The following MFHAS1 variants were observed in gnomAD, a reference collection of about 807,000 sequenced individuals.
MFHAS1 encodes the protein multifunctional ROCO family signaling regulator 1, also known as malignant fibrous histiocytoma-amplified sequence 1.
Under a neutral mutation model 70.4 loss-of-function variants are expected in MFHAS1, and 50 were observed. The ratio of observed to expected loss-of-function variants is 0.71; its 90% CI spans 0.57 to 0.90. MFHAS1 has a LOEUF of 0.90. Among genes scored for constraint, MFHAS1 ranks in the 40% least tolerant of loss-of-function variants. The pLI is 0.00. For synonymous variants in MFHAS1, 952 were observed against 620.0 expected (o/e 1.54, Z -7.96); for missense variants, 1,795 against 1,347.6 (o/e 1.33, Z -5.20).
chr8:8,809,707 T>C (rs185864057), intron 1 of MFHAS1, among the ~76,000 whole-genome samples: 2 of 152,138 alleles, frequency 1.3e-5, no homozygotes, highest in East Asian at 3.8e-4. Context: ...TCAAAGACAG[T>C]TGGGGAGAGG....
Position 8,893,570 on chromosome 8 carries a change from G to C in MFHAS1, c.-512C>G, listed in dbSNP as rs1810189940. On this transcript the variant is annotated 5_prime_UTR_variant, in exon 1 of 3. Coordinates refer to ENST00000276282, the MANE Select transcript of MFHAS1 (RefSeq NM_004225.3). ...CGCCTCCTTGTCTCCGTTTCCCCGG[G>C]CTCGGGCGGGAGCGCGGGCGCCGCG... 6.8e-6 allele frequency: 1 copy of C among 146,570 alleles called. No homozygotes were observed. The highest frequency in any genetic ancestry group is 2.4e-5 in the African/African-American group (1 of 40,862). The allele number at this position is 146,570 out of a possible 1,614,324, so 9.1% of individuals were successfully genotyped here.
chr8:8,875,093 T>C (rs1254824327), intron 1 of MFHAS1, among the ~76,000 whole-genome samples: 1 of 152,246 alleles, frequency 6.6e-6, no homozygotes, highest in Non-Finnish European at 1.5e-5. Flanking sequence ...ATACCCAATG[T>C]TGAGGAGGTA....
At chr8:8,854,749 C>CAT (rs1808371291) in intron 1 of MFHAS1, among the ~76,000 whole-genome samples, 1 of 151,794 alleles carries the variant, frequency 6.6e-6, no homozygotes, top group African/African-American at 2.4e-5. Context: ...TCACATGGAA[C>CAT]ATATTTACAC....
At chr8:8,830,280 C>G (rs780722981) in intron 1 of MFHAS1, among the ~76,000 whole-genome samples, 4 of 152,170 alleles carry the variant, frequency 2.6e-5, no homozygotes, top group Admixed American at 6.5e-5. Flanking sequence ...AAACTAGAGT[C>G]TGGTTCTATC....
chr8:8,791,786 T>C (rs1563175224), intron 2 of MFHAS1, among the ~76,000 whole-genome samples: 2 of 152,200 alleles, frequency 1.3e-5, no homozygotes, highest in Non-Finnish European at 2.9e-5. Flanking sequence ...TAGGGCCTAA[T>C]TAGGCTGCCA....
At chr8:8,850,905 A>G (rs1183049379) in intron 1 of MFHAS1, among the ~76,000 whole-genome samples, 1 of 151,430 alleles carries the variant, frequency 6.6e-6, no homozygotes, top group Non-Finnish European at 1.5e-5. Context: ...ACACTCACGT[A>G]ATCTCAGCGA....
At position 8,843,285 on chromosome 8, in the gene MFHAS1, A is replaced by AAAAAAAAAG. The variant is rs796747933; in HGVS notation, c.2999-45795_2999-45794insCTTTTTTTT. Among the ~76,000 whole-genome samples, 331 of 151,762 alleles carry AAAAAAAAAG rather than the reference A, an allele frequency of 2.2e-3. 4 individuals carry two copies. Among genetic ancestry groups the AAAAAAAAAG allele is most frequent in the African/African-American group, 7.4e-3 (306 of 41,266 alleles). ...AGCGAGACTCCGTCTCAAAAAAAAA[A>AAAAAAAAAG]AAAGAAAGCGAAAGAGGGCCAGGTG... is the stretch of plus-strand genomic sequence containing the variant. On this transcript the variant is annotated intron_variant, in intron 1 of 2. Coordinates refer to ENST00000276282, the MANE Select transcript of MFHAS1 (RefSeq NM_004225.3).
intron 1 of MFHAS1, among the ~76,000 whole-genome samples, chr8:8,809,738 A>G (rs1383160318): frequency 6.6e-6 from 1 of 152,222 alleles, no homozygotes; most frequent in Non-Finnish European, 1.5e-5. Context: ...GGAGCAGAGC[A>G]CAAACCTAGC....
chr8:8,806,778 T>C (rs562677641), intron 1 of MFHAS1, among the ~76,000 whole-genome samples: 1 of 152,076 alleles, frequency 6.6e-6, no homozygotes, highest in East Asian at 1.9e-4. Context: ...CTAGCCAACA[T>C]GTTGAAACCC....
chr8:8,819,679 G>C (rs544237299), intron 1 of MFHAS1, among the ~76,000 whole-genome samples: 1 of 151,764 alleles, frequency 6.6e-6, no homozygotes, highest in Admixed American at 6.6e-5. Flanking sequence ...GAAATACATG[G>C]CTGTGGACAG....
At chr8:8,876,832 G>A (rs1376359932) in intron 1 of MFHAS1, among the ~76,000 whole-genome samples, 2 of 151,950 alleles carry the variant, frequency 1.3e-5, no homozygotes, top group East Asian at 3.9e-4. Flanking sequence ...TACTCGGGAG[G>A]CTAAGGTAAG....
intron 1 of MFHAS1, among the ~76,000 whole-genome samples, chr8:8,855,701 C>T (rs1808412953): frequency 6.6e-6 from 1 of 151,936 alleles, no homozygotes; most frequent in South Asian, 2.1e-4. Context: ...ACTAAAAATA[C>T]AAAATTTAGC....
At chr8:8,885,898 G>C (rs1396373133) in intron 1 of MFHAS1, among the ~76,000 whole-genome samples, 1 of 152,148 alleles carries the variant, frequency 6.6e-6, no homozygotes, top group Non-Finnish European at 1.5e-5. Flanking sequence ...TTTTTGTAGA[G>C]ATGGGGTTTC....
Position 8,891,845 on chromosome 8 carries a change from G to A in MFHAS1, c.1214C>T (p.Ala405Val), listed in dbSNP as rs778095210. The A allele has an allele frequency of 3.1e-6, 5 of 1,612,698 alleles. No homozygotes were observed. Among genetic ancestry groups the A allele is most frequent in the South Asian group, 1.1e-5 (1 of 91,018 alleles). Residue 405 changes from alanine (A) to valine (V), a missense_variant, in exon 1 of 3, where the codon GCG (alanine) becomes GTG (valine). Transcript: ENST00000276282. The surrounding 1 kb of genome is among the most constrained non-coding windows in gnomAD (Gnocchi z 5.4). ...YQKELAHSQP[A>V]VQPRLKLLLM... ...GAGCAGCTTGAGCCGGGGCTGCACC[G>A]CCGGCTGGGAATGAGCCAGTTCCTT...
At chr8:8,787,603 G>T (rs1347923121) in intron 2 of MFHAS1, among the ~76,000 whole-genome samples, 1 of 152,210 alleles carries the variant, frequency 6.6e-6, no homozygotes, top group African/African-American at 2.4e-5. Flanking sequence ...ACTCCCAGAA[G>T]AGAGGGTTTT....
At chr8:8,862,003 G>A (rs35900578) in intron 1 of MFHAS1, among the ~76,000 whole-genome samples, 54,219 of 152,144 alleles carry the variant, frequency 0.36, 11,264 homozygotes, top group East Asian at 0.7. Flanking sequence ...GAACATTTGT[G>A]TATCTTTTTA....
At chr8:8,850,885 T>G (rs1386248016) in intron 1 of MFHAS1, among the ~76,000 whole-genome samples, 1 of 150,822 alleles carries the variant, frequency 6.6e-6, no homozygotes, top group Admixed American at 6.6e-5. Flanking sequence ...CCAATTCATC[T>G]AACCCTTCAA....
chr8:8,808,345 G>T (rs1806413133), intron 1 of MFHAS1, among the ~76,000 whole-genome samples: 1 of 150,500 alleles, frequency 6.6e-6, no homozygotes, highest in African/African-American at 2.4e-5. Flanking sequence ...GTGTCCCCAC[G>T]CTGTAAACGC....
intron 1 of MFHAS1, among the ~76,000 whole-genome samples, chr8:8,849,183 C>T (rs1808149866): frequency 7.0e-6 from 1 of 142,910 alleles, no homozygotes; most frequent in South Asian, 2.3e-4. Flanking sequence ...CGTGTTCAAG[C>T]GATTCTCCTG....
Sources: allele counts gnomAD v4.1 joint callset (sites outside exome capture counted in the v4.1 genomes callset), GRCh38; gene constraint gnomAD v4.1.1; non-coding constraint Gnocchi (gnomAD v3.1); transcripts MANE v1.5; gene names NCBI Gene and HGNC (gene_info 2026-07-23, HGNC 2026-07-21).